The following USP45 variants were observed in gnomAD, a reference collection of about 807,000 sequenced individuals.
USP45 encodes the protein ubiquitin carboxyl-terminal hydrolase 45.
A neutral mutation model predicts 95.8 loss-of-function variants in USP45; 89 were observed. That is an observed-to-expected ratio of 0.93 (90% CI 0.78 to 1.11). USP45 has a LOEUF of 1.11. Ranked by LOEUF, USP45 falls within the 50% of genes least tolerant of loss-of-function variation. USP45 has a pLI of 0.00. For missense variants in USP45, 898 were observed against 942.5 expected (o/e 0.95, Z 0.62); for synonymous variants, 281 against 316.2 (o/e 0.89, Z 1.18).
rs1407813434 is a variant in USP45, at chr6:99,510,112, A to G, written c.100+9T>C. On this transcript the variant is annotated intron_variant, in intron 2 of 17. Transcript: ENST00000500704. The stretch of plus-strand genomic sequence containing the variant: ...AACACTATTTGGGATGCCATATATC[A>G]CAATTTACCAGCAATATCATCTGAA... 6.3e-7 allele frequency: 1 copy of G among 1,594,796 alleles called. No individual in the cohort carries two copies.
chr6:99,474,283 C>T (rs13194567), intron 9 of USP45, among the ~76,000 whole-genome samples: 22,353 of 152,108 alleles, frequency 0.15, 2,363 homozygotes, highest in Non-Finnish European at 0.21. Flanking sequence ...CTGCAACCTC[C>T]GCCTCTCGGG....
At chr6:99,437,781 C>G (rs1222931485) in intron 16 of USP45, among the ~76,000 whole-genome samples, 1 of 152,162 alleles carries the variant, frequency 6.6e-6, no homozygotes, top group East Asian at 1.9e-4. Context: ...CCTCACGTTC[C>G]CAAGTAGCTG....
intron 14 of USP45, among the ~76,000 whole-genome samples, chr6:99,445,215 T>A (rs1258384064): frequency 1.3e-5 from 2 of 152,226 alleles, no homozygotes; most frequent in Admixed American, 6.5e-5. Flanking sequence ...CCAGGCATGG[T>A]GGCTCACACC....
intron 1 of USP45, among the ~76,000 whole-genome samples, chr6:99,511,843 G>GTA (rs1200216368): frequency 1.4e-3 from 7 of 4,982 alleles, no homozygotes; most frequent in Non-Finnish European, 2.2e-3. Flanking sequence ...ATGTGAGTGT[G>GTA]TGTATATATA....
intron 13 of USP45, among the ~76,000 whole-genome samples, chr6:99,453,637 C>T (rs906963573): frequency 1.3e-5 from 2 of 152,096 alleles, no homozygotes; most frequent in African/African-American, 4.8e-5. Flanking sequence ...ACGTTTTTCA[C>T]ATAAAAAGAA....
At chr6:99,513,402 AAG>A (rs1486983547) in intron 1 of USP45, among the ~76,000 whole-genome samples, 1 of 152,334 alleles carries the variant, frequency 6.6e-6, no homozygotes, top group African/African-American at 2.4e-5. Flanking sequence ...TATAAGGGAA[AAG>A]AGACATAAGC....
At chr6:99,449,108 C>T (rs1783233120) in intron 13 of USP45, among the ~76,000 whole-genome samples, 1 of 148,702 alleles carries the variant, frequency 6.7e-6, no homozygotes, top group Admixed American at 6.8e-5. Flanking sequence ...GAAGAAACGG[C>T]ATCAACTAAC....
chr6:99,449,910 A>C (rs775856683), intron 13 of USP45, among the ~76,000 whole-genome samples: 12 of 152,264 alleles, frequency 7.9e-5, no homozygotes, highest in African/African-American at 1.2e-4. Context: ...GGAAACTGAA[A>C]AACCTGCTCC....
intron 13 of USP45, among the ~76,000 whole-genome samples, chr6:99,457,888 A>G (rs1335142255): frequency 6.6e-6 from 1 of 152,186 alleles, no homozygotes; most frequent in African/African-American, 2.4e-5. Context: ...AGACTATTCT[A>G]TCTATCCCTT....
At position 99,464,675 on chromosome 6, in the gene USP45, T is replaced by C. The variant is rs1255018798; in HGVS notation, c.1237A>G (p.Ser413Gly). ...ATATTTTCTATAGTAACATTGCCACTGTATCGATCATGATCTGTCTCCCGT... is the reference window on the plus strand; with the variant it reads ...ATATTTTCTATAGTAACATTGCCACCGTATCGATCATGATCTGTCTCCCGT... ...SLRETDHDRY[S>G]GNVTIENIHQ... Residue 413 changes from serine to glycine, a missense_variant, in exon 13 of 18, where the codon AGT becomes GGT. By Grantham distance (56) the Ser-to-Gly change is moderately conservative. Coordinates refer to ENST00000500704, the MANE Select transcript of USP45 (RefSeq NM_001346022.3). The C allele has an allele frequency of 2.5e-6, 4 of 1,613,096 alleles. No individual in the cohort carries two copies. The highest frequency in any genetic ancestry group is 1.3e-5 in the African/African-American group (1 of 74,924).
intron 13 of USP45, among the ~76,000 whole-genome samples, chr6:99,450,130 C>A (rs1783514240): frequency 6.6e-6 from 1 of 151,780 alleles, no homozygotes. Context: ...ACTAGAGAAG[C>A]AAGAGCAAAC....
chr6:99,454,225 C>T (rs1784518465), intron 13 of USP45, among the ~76,000 whole-genome samples: 1 of 152,126 alleles, frequency 6.6e-6, no homozygotes, highest in Non-Finnish European at 1.5e-5. Flanking sequence ...ACGCCCTCTT[C>T]AACAAATGGT....
At chr6:99,447,212 A>C (rs1782733238) in intron 13 of USP45, among the ~76,000 whole-genome samples, 1 of 152,208 alleles carries the variant, frequency 6.6e-6, no homozygotes, top group South Asian at 2.1e-4. Flanking sequence ...CAACTAATTA[A>C]AAATTTTAAG....
At chr6:99,485,175 CAAAA>C (rs1190400783) in intron 7 of USP45, among the ~76,000 whole-genome samples, 3 of 88,700 alleles carry the variant, frequency 3.4e-5, no homozygotes, top group East Asian at 3.0e-4. Flanking sequence ...ACTAAAAATA[CAAAA>C]AAAAAAAAAA....
At chr6:99,485,395 A>C (rs1793639958) in intron 7 of USP45, among the ~76,000 whole-genome samples, 1 of 152,188 alleles carries the variant, frequency 6.6e-6, no homozygotes, top group African/African-American at 2.4e-5. Flanking sequence ...TTGAAAACAA[A>C]AGTTTGCTGA....
At chr6:99,469,591 T>C (rs1384903340) in intron 9 of USP45, among the ~76,000 whole-genome samples, 1 of 151,072 alleles carries the variant, frequency 6.6e-6, no homozygotes, top group African/African-American at 2.4e-5. Flanking sequence ...GTGATCCTAC[T>C]GCCTCAGCCT....
upstream of USP45, among the ~76,000 whole-genome samples, chr6:99,515,852 G>A (rs980535402): frequency 2.2e-5 from 3 of 135,118 alleles, no homozygotes; most frequent in African/African-American, 8.7e-5. Context: ...TCGGCTCACT[G>A]CAACCTCCGC....
intron 9 of USP45, among the ~76,000 whole-genome samples, chr6:99,469,264 A>C (rs1788709775): frequency 1.3e-5 from 2 of 151,864 alleles, no homozygotes; most frequent in South Asian, 4.1e-4. Context: ...TCTCTTGTGT[A>C]TGTTTTAGGA....
Position 99,434,799 on chromosome 6 carries a change from T to C in USP45, c.*917A>G, listed in dbSNP as rs1780208505. On this transcript the variant is annotated 3_prime_UTR_variant, in exon 18 of 18. Coordinates refer to ENST00000500704, the MANE Select transcript of USP45 (RefSeq NM_001346022.3). ...TTTGGTAATTTATATTTCAAAGCTA[T>C]CCTATGGTCCTATATGGATTATCAA... 6.6e-6 allele frequency: 1 copy of C among 152,218 alleles called. No individual in the cohort carries two copies. Among genetic ancestry groups the C allele is most frequent in the East Asian group, 1.9e-4 (1 of 5,200 alleles). 9.4% of individuals were successfully genotyped at this position (152,218 alleles called of 1,614,324 possible). A position where few individuals can be genotyped will look rare whatever the true frequency, so the allele number is the denominator to read the frequency against.
Sources: allele counts gnomAD v4.1 joint callset (sites outside exome capture counted in the v4.1 genomes callset), GRCh38; gene constraint gnomAD v4.1.1; transcripts MANE v1.5; gene names NCBI Gene and HGNC (gene_info 2026-07-23, HGNC 2026-07-21).